The following DELE1 variants were observed in gnomAD, a reference collection of about 807,000 sequenced individuals.
DELE1 encodes the protein DAP3 binding cell death enhancer 1, also known as death ligand signal enhancer.
DELE1 carries 54 observed loss-of-function variants against 59.3 expected under a neutral mutation model. That is an observed-to-expected ratio of 0.91 (90% CI 0.73 to 1.14). The LOEUF (loss-of-function observed/expected upper bound fraction) is 1.14, where lower values mean the gene tolerates loss of function less well. Ranked by LOEUF, DELE1 falls within the 50% of genes most tolerant of loss-of-function variation. The pLI is 0.00. For synonymous variants in DELE1, 264 were observed against 259.1 expected, an observed-to-expected ratio of 1.02 and a Z score of -0.18; for missense variants, 636 against 643.9, an observed-to-expected ratio of 0.99 and a Z score of 0.13.
chr5:141,928,017 A>G (rs1751557963), intron 3 of DELE1, 134 bp from the exon 4 acceptor site: 2 of 876,292 alleles, frequency 2.3e-6, no homozygotes, highest in Non-Finnish European at 3.6e-6. Flanking sequence ...CAGAGAAGTT[A>G]GGGTGTTGTG....
chr5:141,933,337 A>G lies in DELE1; in HGVS notation c.833A>G (p.Lys278Arg), dbSNP rs768160783. Residue 278 changes from lysine to arginine, a missense_variant, in exon 8 of 12, where the codon AAA becomes AGA. By Grantham distance (26) the Lys-to-Arg change is conservative. Transcript: ENST00000432126. ...AAAGCTGCAGCCCGCGGCTACAGCA[A>G]AGCGCAGTACAATGCGGGCTTGTGT... ...FQKAAARGYS[K>R]AQYNAGLCHE... The G allele has an allele frequency of 5.7e-6, 9 of 1,566,080 alleles. No individual in the cohort carries two copies. In the African/African-American group the frequency reaches 1.2e-4, roughly 21 times the overall value.
At position 141,938,688 on chromosome 5, in the gene DELE1, G is replaced by T. The variant is rs765218926; in HGVS notation, c.1477G>T (p.Ala493Ser). ...TGGGCATCTCGGAGCCAGCCTGGAA[G>T]CCTCCAGCAGGGCTATTCCCCCACA... Reference protein sequence around the residue: ...RSGHLGASLEASSRAIPPHPY... With the variant: ...RSGHLGASLESSSRAIPPHPY... The change falls in exon 12 of 12, where the codon GCC becomes TCC. Residue 493 changes from alanine to serine, a missense_variant. Ala to Ser is a moderately conservative substitution (Grantham distance 99). Coordinates refer to ENST00000432126, the MANE Select transcript of DELE1 (RefSeq NM_014773.5). 6.2e-7 allele frequency: 1 copy of T among 1,614,124 alleles called. No individual in the cohort carries two copies. Among genetic ancestry groups the T allele is most frequent in the Non-Finnish European group, 8.5e-7 (1 of 1,180,034 alleles).
At position 141,940,855 on chromosome 5, in the gene DELE1, C is replaced by G. The variant is rs1258486635; in HGVS notation, c.*2096C>G. ...TTTAAGCTGTGCAGTGCACTAAGCT[C>G]TCTGCCAAAAAACAAACAAAAAAAG... On this transcript the variant is annotated 3_prime_UTR_variant, in exon 12 of 12. Transcript: ENST00000432126. 1.0e-6 allele frequency: 1 copy of G among 985,334 alleles called. No homozygotes were observed. Among genetic ancestry groups the G allele is most frequent in the Non-Finnish European group, 1.2e-6 (1 of 829,954 alleles). The allele number at this position is 985,334 out of a possible 1,614,324, so 61.0% of individuals were successfully genotyped here.
intron 3 of DELE1, among the ~76,000 whole-genome samples, chr5:141,925,773 C>A (rs1266052662): frequency 6.6e-6 from 1 of 152,230 alleles, no homozygotes; most frequent in Non-Finnish European, 1.5e-5. Context: ...TTGCTAGTCA[C>A]TACGGACATA....
chr5:141,939,372 C>T lies in DELE1; in HGVS notation c.*613C>T. ...ACAGATCCAGAGAGGTAGCAAAAAT[C>T]ACAGGGGTGGTTCCATGAATGGCTG... On this transcript the variant is annotated 3_prime_UTR_variant, in exon 12 of 12. Transcript: ENST00000432126. 1 of 975,216 alleles carries T rather than the reference C, an allele frequency of 1.0e-6. No homozygotes were observed. The highest frequency in any genetic ancestry group is 1.2e-6 in the Non-Finnish European group (1 of 820,380). 60.4% of individuals were successfully genotyped at this position (975,216 alleles called of 1,614,324 possible).
At chr5:141,929,542 G>A (rs781243260) in intron 4 of DELE1, 40 bp from the exon 5 acceptor site, 41 of 1,601,956 alleles carry the variant, frequency 2.6e-5, no homozygotes, top group Admixed American at 1.3e-4. Context: ...GAGCCATCGC[G>A]CCTGGCCCAG....
At position 141,937,043 on chromosome 5, in the gene DELE1, G is replaced by C. The variant is rs891333357; in HGVS notation, c.1150-155G>C. On this transcript the variant is annotated intron_variant, in intron 10 of 11. Coordinates refer to ENST00000432126, the MANE Select transcript of DELE1 (RefSeq NM_014773.5). The stretch of plus-strand genomic sequence containing the variant: ...AGCTCTGAGCCTCTGGCATTTCGTA[G>C]TTGAGATCCCTTGCTATGGGGCGGG... 4 of 1,503,122 alleles carry C rather than the reference G, an allele frequency of 2.7e-6. No homozygotes were observed. In the African/African-American group the frequency reaches 5.6e-5, roughly 21 times the overall value. The allele number at this position is 1,503,122 out of a possible 1,614,324, so 93.1% of individuals were successfully genotyped here.
intron 1 of DELE1, 61 bp from the exon 2 acceptor site, chr5:141,924,520 G>A (rs374541119): frequency 1.0e-4 from 99 of 948,342 alleles, no homozygotes; most frequent in Non-Finnish European, 1.6e-4. Context: ...CTCTGCTGAG[G>A]CAGATGACAG....
rs377190881 is a variant in DELE1, at chr5:141,926,710, G to T, written c.264+1183G>T. Among the ~76,000 whole-genome samples, 9 of 152,350 alleles carry T rather than the reference G, an allele frequency of 5.9e-5. 1 individual carries two copies. In the East Asian group the frequency reaches 1.4e-3, roughly 23 times the overall value. ...GAGCCTGGGATGTCTCCATGACAGG[G>T]TTACCCCTCTATGGGGAGCTGTGGA... is the stretch of plus-strand genomic sequence containing the variant. On this transcript the variant is annotated intron_variant, in intron 3 of 11. Coordinates refer to ENST00000432126, the MANE Select transcript of DELE1 (RefSeq NM_014773.5).
rs6877338 is a variant in DELE1 at position 141,941,021 on chromosome 5, A to G, written c.*2262A>G. On this transcript the variant is annotated 3_prime_UTR_variant, in exon 12 of 12. Coordinates refer to ENST00000432126, the MANE Select transcript of DELE1 (RefSeq NM_014773.5). ...TTAACCCAATGTTTTCTCTCACTGA[A>G]TTGAGCCCAGAGCCCGTTTCCCTAC... 101,097 of 985,224 alleles carry G rather than the reference A, an allele frequency of 0.1. 6,839 individuals are homozygous for G. The highest frequency in any genetic ancestry group is 0.32 in the African/African-American group (18,528 of 57,254). 61.0% of individuals were successfully genotyped at this position (985,224 alleles called of 1,614,324 possible).
At chr5:141,929,478 G>T in intron 4 of DELE1, 104 bp from the exon 5 acceptor site, 1 of 1,243,022 alleles carries the variant, frequency 8.0e-7, no homozygotes, top group Non-Finnish European at 1.1e-6. Flanking sequence ...TTGAACTCCT[G>T]ACCTCAGGTG....
chr5:141,931,060 G>A (rs1008472839), intron 7 of DELE1, among the ~76,000 whole-genome samples: 1 of 152,216 alleles, frequency 6.6e-6, no homozygotes, highest in African/African-American at 2.4e-5. Flanking sequence ...GATGTTGATA[G>A]ATGTTATGAA....
intron 8 of DELE1, 154 bp downstream of exon 8, chr5:141,933,555 C>A (rs1596611107): frequency 2.1e-6 from 1 of 471,186 alleles, no homozygotes; most frequent in Non-Finnish European, 3.4e-6. Context: ...AAGCTCCTAA[C>A]TTCCAGGAAT....
rs1752679396 is a variant in DELE1, at chr5:141,940,561, ACTT to A, written c.*1806_*1808del. ...TCTGCTTCCCACCCCATCTCTCTCAACTTCTTAGTGGTCCTGCCATACTTTCCT... is the reference window on the plus strand; with the variant it reads ...TCTGCTTCCCACCCCATCTCTCTCAACTTAGTGGTCCTGCCATACTTTCCT... On this transcript the variant is annotated 3_prime_UTR_variant, in exon 12 of 12. Transcript: ENST00000432126. 1.0e-6 allele frequency: 1 copy of A among 985,230 alleles called. No individual in the cohort carries two copies. Among genetic ancestry groups the A allele is most frequent in the African/African-American group, 1.7e-5 (1 of 57,182 alleles). The allele number at this position is 985,230 out of a possible 1,614,324, so 61.0% of individuals were successfully genotyped here. A position where few individuals can be genotyped will look rare whatever the true frequency, so the allele number is the denominator to read the frequency against.
At chr5:141,930,114 C>G (rs761164092) in intron 6 of DELE1, 40 bp downstream of exon 6, 222 of 1,605,962 alleles carry the variant, frequency 1.4e-4, no homozygotes, top group Non-Finnish European at 1.7e-4. Flanking sequence ...CCATAACATT[C>G]TCTTGGGCAG....
In DELE1 at chr5:141,940,895, A is replaced by G. The variant is rs1752698617; in HGVS notation, c.*2136A>G. 1 of 984,726 alleles carries G rather than the reference A, an allele frequency of 1.0e-6. No individual in the cohort carries two copies. Among genetic ancestry groups the G allele is most frequent in the Non-Finnish European group, 1.2e-6 (1 of 829,282 alleles). The allele number at this position is 984,726 out of a possible 1,614,324, so 61.0% of individuals were successfully genotyped here. A position where few individuals can be genotyped will look rare whatever the true frequency, so the allele number is the denominator to read the frequency against. On this transcript the variant is annotated 3_prime_UTR_variant, in exon 12 of 12. Transcript: ENST00000432126. ...AACAAAAAAAGGTTTCTGTGGTTAA[A>G]TAAGTTTGGGAAATGCTGCACCAGA... is the stretch of plus-strand genomic sequence containing the variant.
chr5:141,938,053 T>C (rs112480787), intron 11 of DELE1, among the ~76,000 whole-genome samples: 11,717 of 151,860 alleles, frequency 0.077, 1,508 homozygotes, highest in African/African-American at 0.27. Context: ...TTTGAACTCC[T>C]GACCTCAGGC....
chr5:141,940,999 A>T lies in DELE1; in HGVS notation c.*2240A>T. 1 of 984,386 alleles carries T rather than the reference A, an allele frequency of 1.0e-6. No individual in the cohort carries two copies. Among genetic ancestry groups the T allele is most frequent in the Non-Finnish European group, 1.2e-6 (1 of 828,972 alleles). 61.0% of individuals were successfully genotyped at this position (984,386 alleles called of 1,614,324 possible). On this transcript the variant is annotated 3_prime_UTR_variant, in exon 12 of 12. Transcript: ENST00000432126. ...AGTCCTCCAGTAAAGAACTTGGTTA[A>T]CCCAATGTTTTCTCTCACTGAATTG...
rs569873890 is a variant in DELE1, at chr5:141,936,815, G to C, written c.1150-383G>C. 5.5e-5 allele frequency: 52 copies of C among 939,330 alleles called. 3 individuals carry two copies. In the South Asian group the frequency reaches 2.5e-3, roughly 44 times the overall value. The allele number at this position is 939,330 out of a possible 1,614,324, so 58.2% of individuals were successfully genotyped here. Reference sequence around the variant, plus strand: ...GATTCAGGAAGGCACAGGGCCTTTGGGAAGACAACCCTCCACCTTCGCCTC... The same window carrying C: ...GATTCAGGAAGGCACAGGGCCTTTGCGAAGACAACCCTCCACCTTCGCCTC... On this transcript the variant is annotated intron_variant, in intron 10 of 11. Coordinates refer to ENST00000432126, the MANE Select transcript of DELE1 (RefSeq NM_014773.5).
Sources: allele counts gnomAD v4.1 joint callset (sites outside exome capture counted in the v4.1 genomes callset), GRCh38; gene constraint gnomAD v4.1.1; transcripts MANE v1.5; gene names NCBI Gene and HGNC (gene_info 2026-07-23, HGNC 2026-07-21).